Variants in DNAH14 observed in about 807,000 individuals in gnomAD.
DNAH14 encodes the protein dynein axonemal heavy chain 14, also known as axonemal beta dynein heavy chain 14.
In DNAH14, 478 loss-of-function variants were observed where a neutral mutation model predicts 520.9. That is an observed-to-expected ratio of 0.92 (90% CI 0.85 to 0.99). The LOEUF is 0.99. Among genes scored for constraint, DNAH14 ranks in the 50% least tolerant of loss-of-function variants. The pLI is 0.00. For synonymous variants in DNAH14, 1,581 were observed against 1,757.2 expected, an observed-to-expected ratio of 0.90 and a Z score of 2.51; for missense variants, 4,831 against 5,234.5, an observed-to-expected ratio of 0.92 and a Z score of 2.38.
At chr1:225,157,210 A>C (rs2081130206) in intron 34 of DNAH14, among the ~76,000 whole-genome samples, 1 of 152,202 alleles carries the variant, frequency 6.6e-6, no homozygotes, top group African/African-American at 2.4e-5. Context: ...CTGAAGTCCT[A>C]GGACCCTTGT....
At position 225,377,569 on chromosome 1, in the gene DNAH14, G is replaced by A. The variant is rs1241166151; in HGVS notation, c.12716+133G>A. 3 of 809,430 alleles carry A rather than the reference G, an allele frequency of 3.7e-6. No individual in the cohort carries two copies. In the African/African-American group the frequency reaches 5.2e-5, roughly 14 times the overall value. 50.1% of individuals were successfully genotyped at this position (809,430 alleles called of 1,614,324 possible). A position where few individuals can be genotyped will look rare whatever the true frequency, so the allele number is the denominator to read the frequency against. The stretch of plus-strand genomic sequence containing the variant: ...GAGCTCAGGAGTTCGAGACCACTCT[G>A]AGCAACATGGTGAAACCCTGTCTCT... On this transcript the variant is annotated intron_variant, in intron 79 of 85. Transcript: ENST00000682510.
intron 55 of DNAH14, among the ~76,000 whole-genome samples, chr1:225,298,950 G>A (rs913024182): frequency 7.9e-5 from 12 of 152,222 alleles, no homozygotes; most frequent in African/African-American, 2.9e-4. Context: ...AGACAGGGCT[G>A]CAGAGGCAGG....
At chr1:225,111,827 T>C (rs2076502403) in intron 23 of DNAH14, among the ~76,000 whole-genome samples, 1 of 152,090 alleles carries the variant, frequency 6.6e-6, no homozygotes, top group Non-Finnish European at 1.5e-5. Context: ...GAGGTTACCA[T>C]GAGGCTTGCA....
At chr1:225,057,093 A>G (rs1206443450) in intron 17 of DNAH14, among the ~76,000 whole-genome samples, 1 of 152,112 alleles carries the variant, frequency 6.6e-6, no homozygotes, top group Admixed American at 6.6e-5. Flanking sequence ...CTTGATGGGG[A>G]TGGCATTGAA....
chr1:225,114,005 G>A (rs1218553450), intron 23 of DNAH14, among the ~76,000 whole-genome samples: 1 of 152,154 alleles, frequency 6.6e-6, no homozygotes, highest in African/African-American at 2.4e-5. Flanking sequence ...AAGCTGTAAG[G>A]CAAAGTCCAC....
Position 225,156,709 on chromosome 1 carries a change from C to CTTTTTTTTT in DNAH14, c.5274-2590_5274-2582dup, listed in dbSNP as rs71170061. On this transcript the variant is annotated intron_variant, in intron 34 of 85. Transcript: ENST00000682510. ...TCTAGGATAAACTCCTCTTAAAATT[C>CTTTTTTTTT]TTTTTTTTTTTTTTTTTTTTTTTGA... 1.3e-3 allele frequency among the ~76,000 whole-genome samples: 86 copies of CTTTTTTTTT among 68,150 alleles called. 2 individuals are homozygous for CTTTTTTTTT. Among genetic ancestry groups the CTTTTTTTTT allele is most frequent in the Non-Finnish European group, 1.9e-3 (79 of 41,214 alleles). The allele number at this position is 68,150 out of a possible 152,430, so 44.7% of individuals were successfully genotyped here. A position where few individuals can be genotyped will look rare whatever the true frequency, so the allele number is the denominator to read the frequency against.
intron 41 of DNAH14, among the ~76,000 whole-genome samples, chr1:225,209,428 AG>A (rs140308248): frequency 0.021 from 3,229 of 152,146 alleles, 90 homozygotes; most frequent in African/African-American, 0.062. Context: ...TGGTGGGAAC[AG>A]GGGAGATTTA....
chr1:225,094,464 A>G (rs1022093401), intron 21 of DNAH14, among the ~76,000 whole-genome samples: 1 of 152,124 alleles, frequency 6.6e-6, no homozygotes, highest in Non-Finnish European at 1.5e-5. Flanking sequence ...TTCAACATAT[A>G]CAAAAATCAA....
chr1:225,270,927 C>T (rs758701322), intron 50 of DNAH14, 61 bp downstream of exon 50: 83 of 1,463,476 alleles, frequency 5.7e-5, no homozygotes, highest in Non-Finnish European at 6.8e-5. Flanking sequence ...AGGAAAAATA[C>T]GAGAACTTAA....
At chr1:225,310,862 G>A (rs2094350644) in intron 60 of DNAH14, among the ~76,000 whole-genome samples, 1 of 152,152 alleles carries the variant, frequency 6.6e-6, no homozygotes, top group South Asian at 2.1e-4. Context: ...GGGCATTTGG[G>A]TTGGTTCCAA....
rs534501707 is a variant in DNAH14 at position 225,272,906 on chromosome 1, T to C, written c.7840-49T>C. ...AAAATTGAGCCTTCGCTTCACATACTACCCTGCTAATTTTTTTTAAAAAAA... is the reference window on the plus strand; with the variant it reads ...AAAATTGAGCCTTCGCTTCACATACCACCCTGCTAATTTTTTTTAAAAAAA... On this transcript the variant is annotated intron_variant, in intron 51 of 85. Transcript: ENST00000682510. 14 of 1,473,532 alleles carry C rather than the reference T, an allele frequency of 9.5e-6. No homozygotes were observed. The African/African-American group carries it at 1.9e-4, about 20-fold the overall frequency. The allele number at this position is 1,473,532 out of a possible 1,614,324, so 91.3% of individuals were successfully genotyped here. A position where few individuals can be genotyped will look rare whatever the true frequency, so the allele number is the denominator to read the frequency against.
intron 43 of DNAH14, 23 bp from the exon 44 acceptor site, chr1:225,252,278 G>T: frequency 7.5e-7 from 1 of 1,324,932 alleles, no homozygotes; most frequent in South Asian, 1.3e-5. Context: ...TTTCTTAGTT[G>T]AATTTATTAT....
intron 8 of DNAH14, among the ~76,000 whole-genome samples, chr1:224,984,086 G>A (rs775235196): frequency 2.1e-4 from 32 of 152,110 alleles, no homozygotes; most frequent in Non-Finnish European, 4.3e-4. Context: ...CATAGCCAAA[G>A]CAAGACTAAG....
chr1:225,356,442 G>A (rs571922057), intron 73 of DNAH14, among the ~76,000 whole-genome samples: 2 of 152,180 alleles, frequency 1.3e-5, no homozygotes, highest in South Asian at 4.2e-4. Flanking sequence ...TTTAGAAGAG[G>A]ATTTTCTTCT....
At chr1:225,245,763 A>G (rs1049968709) in intron 43 of DNAH14, among the ~76,000 whole-genome samples, 2 of 152,170 alleles carry the variant, frequency 1.3e-5, no homozygotes, top group African/African-American at 4.8e-5. Flanking sequence ...GCTCATGGAT[A>G]GGAAGAATCA....
chr1:225,389,648 G>A (rs2095880631), intron 82 of DNAH14, 86 bp from the exon 83 acceptor site: 4 of 1,417,772 alleles, frequency 2.8e-6, no homozygotes, highest in East Asian at 2.5e-5. Context: ...GTAAAAGAAG[G>A]GCCCTGGGAG....
At chr1:225,309,249 A>C (rs766599579) in intron 60 of DNAH14, among the ~76,000 whole-genome samples, 1 of 152,208 alleles carries the variant, frequency 6.6e-6, no homozygotes, top group Non-Finnish European at 1.5e-5. Flanking sequence ...TATATCAAGA[A>C]TAAAAGAAGT....
At chr1:225,338,597 C>T (rs2095111688) in intron 68 of DNAH14, among the ~76,000 whole-genome samples, 1 of 152,056 alleles carries the variant, frequency 6.6e-6, no homozygotes, top group East Asian at 1.9e-4. Context: ...AGATTTTTGC[C>T]TAGGAAGATA....
At chr1:225,237,729 CTCTT>C (rs2091695243) in intron 42 of DNAH14, among the ~76,000 whole-genome samples, 2 of 152,172 alleles carry the variant, frequency 1.3e-5, no homozygotes, top group African/African-American at 4.8e-5. Context: ...TTCTCCCCAT[CTCTT>C]TCAAGAACCC....
Sources: allele counts gnomAD v4.1 joint callset (sites outside exome capture counted in the v4.1 genomes callset), GRCh38; gene constraint gnomAD v4.1.1; transcripts MANE v1.5; gene names NCBI Gene and HGNC (gene_info 2026-07-23, HGNC 2026-07-21).